Variants in NOS1AP observed in about 807,000 individuals in gnomAD.
NOS1AP encodes the protein nitric oxide synthase 1 adaptor protein.
A neutral mutation model predicts 56.2 loss-of-function variants in NOS1AP; 21 were observed. That is an observed-to-expected ratio of 0.37 (90% CI 0.26 to 0.54). The LOEUF (loss-of-function observed/expected upper bound fraction) is 0.54. NOS1AP is among the 20% of genes least tolerant of loss of function. NOS1AP has a pLI of 0.84. For synonymous variants in NOS1AP, 270 were observed against 274.6 expected (o/e 0.98, Z 0.17); for missense variants, 522 against 657.8 (o/e 0.79, Z 2.26).
chr1:162,127,795 A>G (rs1254999867), intron 1 of NOS1AP, among the ~76,000 whole-genome samples: 4 of 152,174 alleles, frequency 2.6e-5, no homozygotes, highest in Admixed American at 1.3e-4. Flanking sequence ...TGAGAAACCC[A>G]TTCCCATGAT....
chr1:162,157,906 C>T (rs1650037752), intron 2 of NOS1AP, among the ~76,000 whole-genome samples: 1 of 152,172 alleles, frequency 6.6e-6, no homozygotes, highest in Admixed American at 6.5e-5. Context: ...CTCTATTTCT[C>T]ATTTGGTCTC....
At chr1:162,356,387 A>T (rs1657705464) in intron 7 of NOS1AP, among the ~76,000 whole-genome samples, 1 of 152,160 alleles carries the variant, frequency 6.6e-6, no homozygotes, top group African/African-American at 2.4e-5. Flanking sequence ...ATATTTTAGG[A>T]TCCAAACTTC....
rs531167010 is a variant in NOS1AP, at chr1:162,340,733, A to G, written c.454-3102A>G. ...AGCATGGGGAAGGCAGAACCAGTAA[A>G]CCTAAAGTCTGCATTTCCTACTTTT... On this transcript the variant is annotated intron_variant, in intron 5 of 9. Transcript: ENST00000361897. Among the ~76,000 whole-genome samples, 5 of 152,300 alleles carry G rather than the reference A, an allele frequency of 3.3e-5. No individual in the cohort carries two copies. In the South Asian group the frequency reaches 1.0e-3, roughly 32 times the overall value.
At chr1:162,116,573 A>G (rs1647962633) in intron 1 of NOS1AP, among the ~76,000 whole-genome samples, 1 of 152,144 alleles carries the variant, frequency 6.6e-6, no homozygotes, top group Admixed American at 6.5e-5. Flanking sequence ...AATATGATAG[A>G]TTCGTAGTAT....
At chr1:162,110,567 C>T (rs1647671320) in intron 1 of NOS1AP, among the ~76,000 whole-genome samples, 1 of 152,096 alleles carries the variant, frequency 6.6e-6, no homozygotes, top group African/African-American at 2.4e-5. Context: ...ATCACACTAC[C>T]TCTTTCTTTT....
rs750220397 is a variant in NOS1AP, at chr1:162,356,944, TCTC to T, written c.763-13_763-11del. 2.5e-6 allele frequency: 4 copies of T among 1,613,936 alleles called. No homozygotes were observed. The highest frequency in any genetic ancestry group is 3.4e-6 in the Non-Finnish European group (4 of 1,180,016). ...TCCTGCCACATGTCATGTCCTGTCT[TCTC>T]CTTCTCCTCCAGGTTTCGCACCCCC... On this transcript the variant is annotated splice_polypyrimidine_tract_variant and intron_variant, in intron 7 of 9. Coordinates refer to ENST00000361897, the MANE Select transcript of NOS1AP (RefSeq NM_014697.3).
At chr1:162,267,132 G>A (rs1330096877) in intron 2 of NOS1AP, among the ~76,000 whole-genome samples, 4 of 152,180 alleles carry the variant, frequency 2.6e-5, no homozygotes, top group African/African-American at 4.8e-5. Context: ...GCCAAAGAAA[G>A]AGAACCATGT....
At chr1:162,190,597 A>C (rs1188641030) in intron 2 of NOS1AP, among the ~76,000 whole-genome samples, 2 of 150,522 alleles carry the variant, frequency 1.3e-5, no homozygotes, top group African/African-American at 2.4e-5. Context: ...AACATTTATC[A>C]TTTCCTTGTG....
intron 4 of NOS1AP, among the ~76,000 whole-genome samples, chr1:162,315,340 C>T (rs2101772074): frequency 6.6e-6 from 1 of 152,360 alleles, no homozygotes; most frequent in East Asian, 1.9e-4. Flanking sequence ...GCTTACTCCG[C>T]AGCATGAGCA....
chr1:162,242,847 C>G (rs551331280), intron 2 of NOS1AP, among the ~76,000 whole-genome samples: 3 of 152,226 alleles, frequency 2.0e-5, no homozygotes, highest in African/African-American at 4.8e-5. Flanking sequence ...TCAGCTATCT[C>G]CTAGATTTTA....
intron 2 of NOS1AP, among the ~76,000 whole-genome samples, chr1:162,253,468 C>T (rs1653933224): frequency 6.6e-6 from 1 of 152,072 alleles, no homozygotes; most frequent in African/African-American, 2.4e-5. Context: ...ATACTTTGCC[C>T]AATTCAGTTA....
chr1:162,120,878 G>T (rs556131616), intron 1 of NOS1AP, among the ~76,000 whole-genome samples: 6 of 152,086 alleles, frequency 3.9e-5, no homozygotes, highest in Non-Finnish European at 7.4e-5. Context: ...ATTTACAAAA[G>T]TGTAGATGCC....
chr1:162,274,838 G>A (rs183475795), intron 2 of NOS1AP, among the ~76,000 whole-genome samples: 34 of 152,284 alleles, frequency 2.2e-4, no homozygotes, highest in African/African-American at 7.5e-4. Flanking sequence ...CTTTACATGT[G>A]TTTATTTGCT....
chr1:162,312,959 TA>T (rs1656094110), intron 4 of NOS1AP, among the ~76,000 whole-genome samples: 1 of 151,510 alleles, frequency 6.6e-6, no homozygotes. Flanking sequence ...CTCAACAAAT[TA>T]GGTATTGATG....
At chr1:162,228,779 A>G (rs1474240440) in intron 2 of NOS1AP, among the ~76,000 whole-genome samples, 1 of 152,198 alleles carries the variant, frequency 6.6e-6, no homozygotes, top group Non-Finnish European at 1.5e-5. Flanking sequence ...TAACGCTATC[A>G]TTTTTCAAAT....
chr1:162,248,706 GT>G (rs1265526751), intron 2 of NOS1AP, among the ~76,000 whole-genome samples: 2 of 152,110 alleles, frequency 1.3e-5, no homozygotes, highest in Non-Finnish European at 2.9e-5. Flanking sequence ...ACAGATGAGT[GT>G]CGGTCATTCT....
At chr1:162,208,909 A>G (rs374966305) in intron 2 of NOS1AP, among the ~76,000 whole-genome samples, 2 of 152,360 alleles carry the variant, frequency 1.3e-5, no homozygotes, top group East Asian at 3.9e-4. Flanking sequence ...ATTTGAGGCC[A>G]TATTCATCAT....
intron 5 of NOS1AP, among the ~76,000 whole-genome samples, chr1:162,339,510 A>C (rs947493767): frequency 1.3e-5 from 2 of 152,118 alleles, no homozygotes; most frequent in Non-Finnish European, 2.9e-5. Context: ...CACTGCCTTC[A>C]ATCTTTAAAC....
At chr1:162,211,335 C>G (rs2101647067) in intron 2 of NOS1AP, among the ~76,000 whole-genome samples, 1 of 152,316 alleles carries the variant, frequency 6.6e-6, no homozygotes, top group Non-Finnish European at 1.5e-5. Context: ...TTGCTACGTC[C>G]TCACATAGCC....
Sources: allele counts gnomAD v4.1 joint callset (sites outside exome capture counted in the v4.1 genomes callset), GRCh38; gene constraint gnomAD v4.1.1; transcripts MANE v1.5; gene names NCBI Gene and HGNC (gene_info 2026-07-23, HGNC 2026-07-21).